Variants in ANKRD36 observed in about 807,000 individuals in gnomAD.
ANKRD36 encodes ankyrin repeat domain 36, also known as ankyrin repeat domain-containing protein 36A.
ANKRD36 carries 179 observed loss-of-function variants against 278.1 expected under a neutral mutation model. The observed-to-expected ratio is 0.64, with a 90% CI of 0.57 to 0.73. The LOEUF is 0.73. Ranked by LOEUF, ANKRD36 falls within the 30% of genes least tolerant of loss-of-function variation. ANKRD36 has a pLI of 0.00. For missense variants in ANKRD36, 1,159 were observed against 1,956.7 expected (o/e 0.59, Z 7.69); for synonymous variants, 320 against 641.1 (o/e 0.50, Z 7.57).
At chr2:97,186,871 G>T (rs564151256) in intron 30 of ANKRD36, among the ~76,000 whole-genome samples, 1 of 151,960 alleles carries the variant, frequency 6.6e-6, no homozygotes, top group South Asian at 2.1e-4. Flanking sequence ...ATTTTCCCAG[G>T]TGATTGAGTT....
chr2:97,204,434 C>T lies in ANKRD36; in HGVS notation c.3061+171C>T, dbSNP rs530179546. Among the ~76,000 whole-genome samples the T allele has an allele frequency of 2.8e-4, 43 of 151,796 alleles. 2 individuals carry two copies. In the South Asian group the frequency reaches 8.1e-3, roughly 29 times the overall value. ...TGATGCTGATGCTGCTGGTCTGGAACATGATCTTCACAGTAAGATTATACA... is the reference window on the plus strand; with the variant it reads ...TGATGCTGATGCTGCTGGTCTGGAATATGATCTTCACAGTAAGATTATACA... On this transcript the variant is annotated intron_variant, in intron 50 of 75. Coordinates refer to ENST00000420699, the MANE Select transcript of ANKRD36 (RefSeq NM_001354587.1).
At chr2:97,203,409 G>C (rs1428077565) in intron 48 of ANKRD36, among the ~76,000 whole-genome samples, 2 of 151,824 alleles carry the variant, frequency 1.3e-5, no homozygotes, top group African/African-American at 4.8e-5. Context: ...ATCCCTTCGT[G>C]CCACGACTGG....
chr2:97,191,428 C>G (rs117704677), intron 36 of ANKRD36, among the ~76,000 whole-genome samples: 1 of 151,644 alleles, frequency 6.6e-6, no homozygotes, highest in African/African-American at 2.4e-5. Flanking sequence ...CAGTTGAAGA[C>G]ATAAGGGGCT....
At chr2:97,188,124 G>T (rs2057813845) in intron 32 of ANKRD36, among the ~76,000 whole-genome samples, 1 of 151,530 alleles carries the variant, frequency 6.6e-6, no homozygotes, top group Non-Finnish European at 1.5e-5. Flanking sequence ...TTATAAAAAT[G>T]AGATAAAGTT....
At chr2:97,194,692 A>G (rs1254219039) in intron 38 of ANKRD36, 34 bp from the exon 39 acceptor site, 3 of 1,602,932 alleles carry the variant, frequency 1.9e-6, no homozygotes, top group African/African-American at 1.3e-5. Context: ...TCATATTTAC[A>G]TGTGAGTGAT....
At chr2:97,197,289 T>A (rs1260975142) in intron 42 of ANKRD36, among the ~76,000 whole-genome samples, 1 of 151,930 alleles carries the variant, frequency 6.6e-6, no homozygotes, top group African/African-American at 2.4e-5. Flanking sequence ...ATTTGTATAA[T>A]TTTGGGGTTT....
At chr2:97,216,850 A>G (rs1031495766) in intron 62 of ANKRD36, 18 of 588,000 alleles carry the variant, frequency 3.1e-5, no homozygotes, top group Non-Finnish European at 4.6e-5. Flanking sequence ...TTGATTCTCA[A>G]TTGTATGAGT....
chr2:97,154,939 A>T (rs1422178576), intron 15 of ANKRD36, among the ~76,000 whole-genome samples, 198 bp downstream of exon 15: 1 of 145,566 alleles, frequency 6.9e-6, no homozygotes, highest in East Asian at 2.0e-4. Flanking sequence ...AATAAGAAAT[A>T]GTTGATAAAT....
At chr2:97,233,024 A>G (rs1261865186) in intron 67 of ANKRD36, among the ~76,000 whole-genome samples, 1 of 147,322 alleles carries the variant, frequency 6.8e-6, no homozygotes, top group East Asian at 2.1e-4. Context: ...AAAAAAAAAA[A>G]GATGATGGTG....
intron 3 of ANKRD36, among the ~76,000 whole-genome samples, chr2:97,121,030 C>T (rs1467429430): frequency 6.6e-6 from 1 of 151,980 alleles, no homozygotes; most frequent in Non-Finnish European, 1.5e-5. Context: ...CTCAGGTCAT[C>T]TCCCTTGCCT....
At chr2:97,128,237 G>A (rs1322993680) in intron 6 of ANKRD36, among the ~76,000 whole-genome samples, 1 of 151,366 alleles carries the variant, frequency 6.6e-6, no homozygotes, top group East Asian at 1.9e-4. Flanking sequence ...ATCTCAATGA[G>A]CTGTCCATGA....
intron 5 of ANKRD36, among the ~76,000 whole-genome samples, chr2:97,126,629 A>ATAAGAG (rs2038724612): frequency 6.6e-6 from 1 of 151,996 alleles, no homozygotes; most frequent in Non-Finnish European, 1.5e-5. Context: ...AATTTCAAGA[A>ATAAGAG]CAAACTCCAC....
Position 97,113,623 on chromosome 2 carries a change from A to G in ANKRD36, c.-117A>G. The G allele has an allele frequency of 7.5e-7, 1 of 1,324,700 alleles. No individual in the cohort carries two copies. The highest frequency in any genetic ancestry group is 1.0e-6 in the Non-Finnish European group (1 of 956,026). 82.1% of individuals were successfully genotyped at this position (1,324,700 alleles called of 1,614,324 possible). ...TTCTGCTGAGAGGCGGGAGGCGCTG[A>G]GAGTCTGTGCGGAGGTCCGTGGACA... On this transcript the variant is annotated 5_prime_UTR_variant, in exon 1 of 76. Coordinates refer to ENST00000420699, the MANE Select transcript of ANKRD36 (RefSeq NM_001354587.1).
Position 97,118,340 on chromosome 2 carries a change from A to G in ANKRD36, c.313-4A>G. The G allele has an allele frequency of 6.2e-7, 1 of 1,610,828 alleles. No individual in the cohort carries two copies. Among genetic ancestry groups the G allele is most frequent in the South Asian group, 1.1e-5 (1 of 90,254 alleles). On this transcript the variant is annotated splice_polypyrimidine_tract_variant and splice_region_variant and intron_variant, in intron 2 of 75. Transcript: ENST00000420699. ...TTGCATGTTTCTCGGTCTAATACTG[A>G]CAGGCTGTACAACTGAGGCAGGAGG... is the stretch of plus-strand genomic sequence containing the variant.
At chr2:97,230,212 G>A (rs541150565) in intron 67 of ANKRD36, among the ~76,000 whole-genome samples, 26 of 152,210 alleles carry the variant, frequency 1.7e-4, no homozygotes, top group African/African-American at 6.0e-4. Context: ...ATGTTCTCCT[G>A]GATAATATCC....
intron 24 of ANKRD36, 39 bp downstream of exon 24, chr2:97,179,972 A>T (rs773208151): frequency 6.2e-7 from 1 of 1,601,222 alleles, no homozygotes; most frequent in East Asian, 2.2e-5. Flanking sequence ...TGTTCAATCA[A>T]GATGGAAGAG....
chr2:97,208,110 T>C, intron 54 of ANKRD36, 104 bp downstream of exon 54: 1 of 1,199,880 alleles, frequency 8.3e-7, no homozygotes, highest in Non-Finnish European at 1.1e-6. Context: ...CACATTCTGA[T>C]TCAGCAGTCC....
intron 66 of ANKRD36, among the ~76,000 whole-genome samples, chr2:97,220,523 G>C (rs1441517502): frequency 6.6e-6 from 1 of 151,220 alleles, no homozygotes; most frequent in African/African-American, 2.4e-5. Context: ...TATTTTACTT[G>C]ACATAATGTC....
chr2:97,181,740 A>T lies in ANKRD36; in HGVS notation c.1784A>T (p.Asp595Val), dbSNP rs753380654. Reference sequence around the variant, plus strand: ...ATTCAGGCTACAAGTGACGAGAAAGATTCTGTTTCAAATATAGCCACAGAA... The same window carrying T: ...ATTCAGGCTACAAGTGACGAGAAAGTTTCTGTTTCAAATATAGCCACAGAA... ...PAEKATSDEKDSVSNIATEIK... is the reference protein window; with the variant it reads ...PAEKATSDEKVSVSNIATEIK... The change falls in exon 26 of 76, where the codon GAT (aspartate) becomes GTT (valine). Residue 595 changes from aspartate (D) to valine (V), a missense_variant. Asp to Val is a radical substitution (Grantham distance 152, BLOSUM62 -3). Transcript: ENST00000420699. 6.2e-7 allele frequency: 1 copy of T among 1,609,270 alleles called. No individual in the cohort carries two copies. The highest frequency in any genetic ancestry group is 2.2e-5 in the East Asian group (1 of 44,786).
Sources: allele counts gnomAD v4.1 joint callset (sites outside exome capture counted in the v4.1 genomes callset), GRCh38; gene constraint gnomAD v4.1.1; transcripts MANE v1.5; gene names NCBI Gene and HGNC (gene_info 2026-07-23, HGNC 2026-07-21).